The following ATP4B variants were observed in gnomAD, a reference collection of about 807,000 sequenced individuals.
ATP4B encodes the protein potassium-transporting ATPase subunit beta.
Under a neutral mutation model 35.3 loss-of-function variants are expected in ATP4B, and 27 were observed. The observed-to-expected ratio is 0.76, with a 90% confidence interval of 0.56 to 1.05. The LOEUF is 1.05. Ranked by LOEUF, ATP4B falls within the 50% of genes least tolerant of loss-of-function variation. The pLI, the probability that ATP4B is intolerant of heterozygous loss-of-function variation, is 0.00. For missense variants in ATP4B, 375 were observed against 384.8 expected (o/e 0.97, Z 0.21); for synonymous variants, 162 against 156.0 (o/e 1.04, Z -0.29).
In ATP4B at chr13:113,652,873, C is replaced by T; in HGVS notation, c.555G>A (p.Arg185=). ...TGTGAAGGAGACCCTCAGTACTCAC[C>T]CTGTTCATTTTAATAATAAAACATG... ...GKPCFIIKMN[R]IVKFLPSNGS... The change falls in exon 4 of 7, where the codon AGG becomes AGA. Residue 185 remains arginine, a splice_region_variant and synonymous_variant. Transcript: ENST00000335288. 6.2e-7 allele frequency: 1 copy of T among 1,614,062 alleles called. No homozygotes were observed. Among genetic ancestry groups the T allele is most frequent in the African/African-American group, 1.3e-5 (1 of 75,022 alleles).
rs1020625302 is a variant in ATP4B, at chr13:113,649,640, G to C, written c.715-105C>G. 1 of 1,313,472 alleles carries C rather than the reference G, an allele frequency of 7.6e-7. No individual in the cohort carries two copies. Among genetic ancestry groups the C allele is most frequent in the Non-Finnish European group, 1.0e-6 (1 of 989,204 alleles). The allele number at this position is 1,313,472 out of a possible 1,614,324, so 81.4% of individuals were successfully genotyped here. ...ACAGTCAGGTTGGTGCAGAGAAGCAGCTCTTTTGTGTAAGACTGGCCCTGA... is the reference window on the plus strand; with the variant it reads ...ACAGTCAGGTTGGTGCAGAGAAGCACCTCTTTTGTGTAAGACTGGCCCTGA... On this transcript the variant is annotated intron_variant, in intron 6 of 6. Coordinates refer to ENST00000335288, the MANE Select transcript of ATP4B (RefSeq NM_000705.4). The surrounding 1 kb of genome is among the most constrained non-coding windows in gnomAD (Gnocchi z 4.7).
rs369266336 is a variant in ATP4B, at chr13:113,658,021, C to G, written c.112+12G>C. On this transcript the variant is annotated intron_variant, in intron 1 of 6. Coordinates refer to ENST00000335288, the MANE Select transcript of ATP4B (RefSeq NM_000705.4). Reference sequence around the variant, plus strand: ...CCTCCATGCACCCAGCCGGCCCGCCCCCCGCACGTACCCCACCGGGACAGG... The same window carrying G: ...CCTCCATGCACCCAGCCGGCCCGCCGCCCGCACGTACCCCACCGGGACAGG... 41 of 1,589,206 alleles carry G rather than the reference C, an allele frequency of 2.6e-5. No individual in the cohort carries two copies. Among genetic ancestry groups the G allele is most frequent in the Admixed American group, 5.2e-5 (3 of 57,596 alleles).
At position 113,649,266 on chromosome 13, in the gene ATP4B, C is replaced by G; in HGVS notation, c.*108G>C. The stretch of plus-strand genomic sequence containing the variant: ...ACACTGACAACACCGTTGCTCCAAA[C>G]CACTTTGGGGATGATTTGGCAGGGA... On this transcript the variant is annotated 3_prime_UTR_variant, in exon 7 of 7. Coordinates refer to ENST00000335288, the MANE Select transcript of ATP4B (RefSeq NM_000705.4). The surrounding 1 kb of genome is among the most constrained non-coding windows in gnomAD (Gnocchi z 4.7). The G allele has an allele frequency of 7.2e-7, 1 of 1,387,874 alleles. No homozygotes were observed. The highest frequency in any genetic ancestry group is 2.5e-5 in the Admixed American group (1 of 40,778). The allele number at this position is 1,387,874 out of a possible 1,614,324, so 86.0% of individuals were successfully genotyped here. A position where few individuals can be genotyped will look rare whatever the true frequency, so the allele number is the denominator to read the frequency against.
intron 2 of ATP4B, among the ~76,000 whole-genome samples, 172 bp from the exon 3 acceptor site, chr13:113,653,606 T>G (rs1165839127): frequency 2.0e-5 from 3 of 152,200 alleles, no homozygotes; most frequent in Non-Finnish European, 4.4e-5. Context: ...ACAGTCAGAA[T>G]GCAGCCTGGG....
chr13:113,654,691 G>T, intron 2 of ATP4B, 123 bp downstream of exon 2: 1 of 1,432,570 alleles, frequency 7.0e-7, no homozygotes, highest in Non-Finnish European at 9.3e-7. Flanking sequence ...CCCTGGGGCT[G>T]CCGGGCTGGC....
At chr13:113,657,668 T>A (rs113978905) in intron 1 of ATP4B, among the ~76,000 whole-genome samples, 3,030 of 152,372 alleles carry the variant, frequency 0.02, 101 homozygotes, top group African/African-American at 0.068. Context: ...TGCGTGAATC[T>A]GTGTGACCAA....
At chr13:113,653,190 C>T (rs562414334) in intron 3 of ATP4B, 118 bp from the exon 4 acceptor site, 81 of 1,415,718 alleles carry the variant, frequency 5.7e-5, no homozygotes, top group African/African-American at 3.3e-4. Context: ...AAGGCCGAAG[C>T]TGTGGAGCCG....
At position 113,655,715 on chromosome 13, in the gene ATP4B, C is replaced by T. The variant is rs147111275; in HGVS notation, c.113-773G>A. 4.2e-3 allele frequency among the ~76,000 whole-genome samples: 638 copies of T among 152,330 alleles called. 6 individuals carry two copies. Among genetic ancestry groups the T allele is most frequent in the African/African-American group, 0.015 (616 of 41,554 alleles). ...GAAGAGGACGGTTTTGTGTTTGCTA[C>T]GGCTTTTGTCTTTCTGGAAAGTCTG... On this transcript the variant is annotated intron_variant, in intron 1 of 6. Coordinates refer to ENST00000335288, the MANE Select transcript of ATP4B (RefSeq NM_000705.4).
At chr13:113,651,472 C>T (rs773844234) in intron 5 of ATP4B, among the ~76,000 whole-genome samples, 199 bp downstream of exon 5, 12 of 151,588 alleles carry the variant, frequency 7.9e-5, no homozygotes, top group African/African-American at 2.9e-4. Flanking sequence ...TAAGAAAAAG[C>T]CCCATTGTTT....
Position 113,653,050 on chromosome 13 carries a change from C to T in ATP4B, c.378G>A (p.Glu126=), listed in dbSNP as rs978526113. Reference sequence around the variant, plus strand: ...GCTCGGAGGTGCAGTTGATGCTGTCCTCCTGGGCTGCTGGAGAGTAGCCTG... The same window carrying T: ...GCTCGGAGGTGCAGTTGATGCTGTCTTCCTGGGCTGCTGGAGAGTAGCCTG... The part of the protein sequence containing the change: ...FLAGYSPAAQ[E]DSINCTSEQY... Residue 126 remains glutamate, a synonymous_variant, in exon 4 of 7, where the codon GAG becomes GAA. Coordinates refer to ENST00000335288, the MANE Select transcript of ATP4B (RefSeq NM_000705.4). 5 of 1,611,654 alleles carry T rather than the reference C, an allele frequency of 3.1e-6. No homozygotes were observed. Among genetic ancestry groups the T allele is most frequent in the Admixed American group, 1.7e-5 (1 of 59,946 alleles).
chr13:113,655,447 G>T (rs2049746415), intron 1 of ATP4B, among the ~76,000 whole-genome samples: 1 of 152,216 alleles, frequency 6.6e-6, no homozygotes, highest in Admixed American at 6.5e-5. Flanking sequence ...GGGAAGCCCT[G>T]GAGATGGCTC....
At chr13:113,656,968 GC>G (rs898838776) in intron 1 of ATP4B, among the ~76,000 whole-genome samples, 1 of 152,120 alleles carries the variant, frequency 6.6e-6, no homozygotes, top group Non-Finnish European at 1.5e-5. Flanking sequence ...AGGCCCTTCT[GC>G]CCCCGGTCCC....
At chr13:113,653,248 C>T in intron 3 of ATP4B, 73 bp downstream of exon 3, 1 of 1,478,296 alleles carries the variant, frequency 6.8e-7, no homozygotes, top group South Asian at 1.2e-5. Context: ...CGCCGCTTCA[C>T]ACCTCACCCA....
In ATP4B at chr13:113,649,623, G is replaced by A. The variant is rs1453633167; in HGVS notation, c.715-88C>T. On this transcript the variant is annotated intron_variant, in intron 6 of 6. Transcript: ENST00000335288. The surrounding 1 kb of genome is among the most constrained non-coding windows in gnomAD (Gnocchi z 4.7). ...TAAGCAAGGAAGTGTCAACAGTCAGGTTGGTGCAGAGAAGCAGCTCTTTTG... is the reference window on the plus strand; with the variant it reads ...TAAGCAAGGAAGTGTCAACAGTCAGATTGGTGCAGAGAAGCAGCTCTTTTG... 2.1e-6 allele frequency: 3 copies of A among 1,403,454 alleles called. No homozygotes were observed. The highest frequency in any genetic ancestry group is 2.9e-5 in the African/African-American group (2 of 67,906). The allele number at this position is 1,403,454 out of a possible 1,614,324, so 86.9% of individuals were successfully genotyped here.
rs370112490 is a variant in ATP4B at position 113,657,994 on chromosome 13, C to T, written c.112+39G>A. On this transcript the variant is annotated intron_variant, in intron 1 of 6. Coordinates refer to ENST00000335288, the MANE Select transcript of ATP4B (RefSeq NM_000705.4). ...CTGGAGGCTGCGTCCTCAGAGCGGC[C>T]CCCTCCATGCACCCAGCCGGCCCGC... 14 of 1,522,646 alleles carry T rather than the reference C, an allele frequency of 9.2e-6. No individual in the cohort carries two copies. In the African/African-American group the frequency reaches 1.8e-4, roughly 19 times the overall value. 94.3% of individuals were successfully genotyped at this position (1,522,646 alleles called of 1,614,324 possible). A position where few individuals can be genotyped will look rare whatever the true frequency, so the allele number is the denominator to read the frequency against.
chr13:113,649,363 C>A lies in ATP4B; in HGVS notation c.*11G>T. The A allele has an allele frequency of 6.3e-7, 1 of 1,587,792 alleles. No homozygotes were observed. The highest frequency in any genetic ancestry group is 2.3e-5 in the East Asian group (1 of 43,862). On this transcript the variant is annotated 3_prime_UTR_variant, in exon 7 of 7. Coordinates refer to ENST00000335288, the MANE Select transcript of ATP4B (RefSeq NM_000705.4). This position sits in a 1 kb window ranked among gnomAD's most constrained non-coding sequence, Gnocchi z 4.7. The stretch of plus-strand genomic sequence containing the variant: ...CCCGCAGGCGTGCCCAGGACCCCTG[C>A]GCAAACCGTTTCACTTCTCAATCTT...
chr13:113,653,620 C>T (rs2049730839), intron 2 of ATP4B, among the ~76,000 whole-genome samples, 186 bp from the exon 3 acceptor site: 2 of 152,222 alleles, frequency 1.3e-5, no homozygotes, highest in Admixed American at 6.5e-5. Flanking sequence ...GCCTGGGTCC[C>T]TGCTGGGAGT....
Position 113,654,794 on chromosome 13 carries a change from G to A in ATP4B, c.241+20C>T, listed in dbSNP as rs756474947. ...GCCTGGCCTGTCACACGGCATGGGG[G>A]CAACATCCCGGGCGCTTACCTGGTG... On this transcript the variant is annotated intron_variant, in intron 2 of 6. Coordinates refer to ENST00000335288, the MANE Select transcript of ATP4B (RefSeq NM_000705.4). 6.2e-7 allele frequency: 1 copy of A among 1,611,044 alleles called. No individual in the cohort carries two copies.
chr13:113,654,577 C>T (rs1285467688), intron 2 of ATP4B, among the ~76,000 whole-genome samples: 1 of 152,268 alleles, frequency 6.6e-6, no homozygotes, highest in Admixed American at 6.5e-5. Flanking sequence ...TCATTTTCCT[C>T]ATGGAAAGAA....
Sources: gnomAD v4.1 joint callset for allele counts (sites outside exome capture counted in the v4.1 genomes callset) on GRCh38, gnomAD v4.1.1 for gene constraint, Gnocchi (gnomAD v3.1) non-coding constraint, MANE v1.5 for transcripts, NCBI Gene and HGNC (gene_info 2026-07-23, HGNC 2026-07-21) for gene names.